Variants in ROCK1 observed in about 807,000 individuals in gnomAD.
The protein encoded by ROCK1 is rho-associated protein kinase 1.
In ROCK1, 36 loss-of-function variants were observed where a neutral mutation model predicts 196.8. The observed-to-expected ratio is 0.18, with a 90% CI of 0.14 to 0.24. The LOEUF (loss-of-function observed/expected upper bound fraction) is 0.24. ROCK1 is among the 10% of genes least tolerant of loss of function. ROCK1 has a pLI of 1.00. For missense variants in ROCK1, 920 were observed against 1,562.0 expected, an observed-to-expected ratio of 0.59 and a Z score of 6.93; for synonymous variants, 443 against 515.9, an observed-to-expected ratio of 0.86 and a Z score of 1.91.
At chr18:21,029,257 G>A (rs988638278) in intron 9 of ROCK1, among the ~76,000 whole-genome samples, 7 of 152,016 alleles carry the variant, frequency 4.6e-5, no homozygotes, top group South Asian at 2.1e-4. Flanking sequence ...AAAAGCATTC[G>A]GGACTACAGA....
intron 1 of ROCK1, among the ~76,000 whole-genome samples, chr18:21,081,782 A>G (rs2036484670): frequency 2.0e-5 from 3 of 152,220 alleles, no homozygotes; most frequent in Non-Finnish European, 2.9e-5. Context: ...TCCTAGAAGC[A>G]TACAATCTGC....
At chr18:21,066,331 G>T (rs1317575499) in intron 2 of ROCK1, among the ~76,000 whole-genome samples, 1 of 152,038 alleles carries the variant, frequency 6.6e-6, no homozygotes, top group Non-Finnish European at 1.5e-5. Flanking sequence ...TTTCATGGTA[G>T]CCACATACAT....
chr18:21,031,534 G>A (rs1456212311), intron 9 of ROCK1, among the ~76,000 whole-genome samples: 1 of 150,790 alleles, frequency 6.6e-6, no homozygotes, highest in Non-Finnish European at 1.5e-5. Flanking sequence ...GAACCCAGGA[G>A]GCGGAGCTTG....
intron 13 of ROCK1, among the ~76,000 whole-genome samples, chr18:21,013,823 G>A (rs750826346): frequency 9.9e-5 from 15 of 152,100 alleles, no homozygotes; most frequent in Non-Finnish European, 2.1e-4. Context: ...CAGCACTTTG[G>A]GAGGCCAAGG....
intron 2 of ROCK1, among the ~76,000 whole-genome samples, chr18:21,061,715 G>A (rs1286164170): frequency 6.6e-6 from 1 of 152,160 alleles, no homozygotes. Context: ...AGGTGGTGAG[G>A]GAAAAGAAGC....
Position 21,006,434 on chromosome 18 carries a change from TTGTC to T in ROCK1, c.1798_1801del (p.Asp600LysfsTer10). ...TATAGCTTGCAGCTGGTAATAATCT[TTGTC>T]TGTTTGTGACTTAGAATTCTCTAAA... On this transcript the variant is annotated frameshift_variant, in exon 16 of 33. Coordinates refer to ENST00000399799, the MANE Select transcript of ROCK1 (RefSeq NM_005406.3). LOFTEE classifies it high-confidence loss of function. 1 of 1,613,736 alleles carries T rather than the reference TTGTC, an allele frequency of 6.2e-7. No individual in the cohort carries two copies. Among genetic ancestry groups the T allele is most frequent in the Non-Finnish European group, 8.5e-7 (1 of 1,179,946 alleles).
intron 4 of ROCK1, among the ~76,000 whole-genome samples, chr18:21,045,899 G>GTTTCTTTTTTTTTTTTTTTTTTTTTTTTT (rs746861081): frequency 1.6e-5 from 1 of 62,470 alleles, no homozygotes; most frequent in African/African-American, 7.0e-5. Context: ...AGTTTCAGCT[G>GTTTCTTTTTTTTTTTTTTTTTTTTTTTTT]TTTTTTTTTT....
chr18:20,947,778 G>GT lies in ROCK1; in HGVS notation c.*3605dup, dbSNP rs2035143314. On this transcript the variant is annotated 3_prime_UTR_variant, in exon 33 of 33. Transcript: ENST00000399799. ...ATGTCTTACAATTTTCTTGGTGGAGGTCGTATACATCTTTCAGTAGATTGT... is the reference window on the plus strand; with the variant it reads ...ATGTCTTACAATTTTCTTGGTGGAGGTTCGTATACATCTTTCAGTAGATTGT... 1 of 152,036 alleles carries GT rather than the reference G, an allele frequency of 6.6e-6. No individual in the cohort carries two copies. The highest frequency in any genetic ancestry group is 6.6e-5 in the Admixed American group (1 of 15,260). 9.4% of individuals were successfully genotyped at this position (152,036 alleles called of 1,614,324 possible). A position where few individuals can be genotyped will look rare whatever the true frequency, so the allele number is the denominator to read the frequency against.
At chr18:21,013,769 TG>T (rs2035838761) in intron 13 of ROCK1, among the ~76,000 whole-genome samples, 1 of 152,022 alleles carries the variant, frequency 6.6e-6, no homozygotes. Flanking sequence ...CTGTTAAGAA[TG>T]GGGCTACAGT....
rs186277658 is a variant in ROCK1 at position 20,959,113 on chromosome 18, A to T, written c.3512+727T>A. On this transcript the variant is annotated intron_variant, in intron 29 of 32. Coordinates refer to ENST00000399799, the MANE Select transcript of ROCK1 (RefSeq NM_005406.3). ...TATATAATATATATATTATATATATATTATATAATATATATATTATATATA... is the reference window on the plus strand; with the variant it reads ...TATATAATATATATATTATATATATTTTATATAATATATATATTATATATA... Among the ~76,000 whole-genome samples, 162 of 48,582 alleles carry T rather than the reference A, an allele frequency of 3.3e-3. 1 individual carries two copies. Among genetic ancestry groups the T allele is most frequent in the East Asian group, 5.5e-3 (8 of 1,448 alleles). The allele number at this position is 48,582 out of a possible 152,430, so 31.9% of individuals were successfully genotyped here. A position where few individuals can be genotyped will look rare whatever the true frequency, so the allele number is the denominator to read the frequency against.
chr18:20,957,373 A>G (rs1366971703), intron 29 of ROCK1, among the ~76,000 whole-genome samples: 1 of 152,280 alleles, frequency 6.6e-6, no homozygotes, highest in Non-Finnish European at 1.5e-5. Flanking sequence ...GCTAGGCACA[A>G]AAGTGTACAT....
intron 2 of ROCK1, among the ~76,000 whole-genome samples, chr18:21,051,486 C>T (rs2036203782): frequency 6.6e-6 from 1 of 151,992 alleles, no homozygotes; most frequent in Admixed American, 6.6e-5. Flanking sequence ...ACAATATAAG[C>T]AGACAAGCAA....
intron 2 of ROCK1, among the ~76,000 whole-genome samples, chr18:21,052,109 G>T (rs907621686): frequency 1.3e-5 from 2 of 152,174 alleles, no homozygotes; most frequent in African/African-American, 4.8e-5. Flanking sequence ...TCTTGACAAA[G>T]ACCGCAGACA....
chr18:20,959,202 T>C (rs2035301428), intron 29 of ROCK1, among the ~76,000 whole-genome samples: 1 of 95,022 alleles, frequency 1.1e-5, no homozygotes, highest in Non-Finnish European at 1.9e-5. Flanking sequence ...ATATATATAA[T>C]ACATATAATA....
intron 2 of ROCK1, among the ~76,000 whole-genome samples, chr18:21,058,990 C>A (rs2036266837): frequency 6.6e-6 from 1 of 152,106 alleles, no homozygotes; most frequent in African/African-American, 2.4e-5. Flanking sequence ...TCCACCCACC[C>A]ACATACACAC....
chr18:20,954,528 A>G (rs1172138610), intron 31 of ROCK1, among the ~76,000 whole-genome samples: 1 of 152,228 alleles, frequency 6.6e-6, no homozygotes, highest in African/African-American at 2.4e-5. Flanking sequence ...GTGAGCTGAG[A>G]TCACGCCACT....
chr18:21,008,696 T>C (rs1359595688), intron 13 of ROCK1, among the ~76,000 whole-genome samples: 3 of 152,360 alleles, frequency 2.0e-5, no homozygotes, highest in South Asian at 4.1e-4. Context: ...ACAGTGTTTC[T>C]GGGCTTTCTC....
intron 9 of ROCK1, among the ~76,000 whole-genome samples, chr18:21,036,064 C>T (rs1308774835): frequency 6.6e-6 from 1 of 152,158 alleles, no homozygotes; most frequent in Admixed American, 6.5e-5. Context: ...TTATCTTATG[C>T]ATACTTTATC....
At chr18:21,009,449 A>G (rs1167418760) in intron 13 of ROCK1, among the ~76,000 whole-genome samples, 1 of 151,900 alleles carries the variant, frequency 6.6e-6, no homozygotes, top group Admixed American at 6.6e-5. Flanking sequence ...TCAACCATTC[A>G]CCTACTGTAG....
Sources: allele counts gnomAD v4.1 joint callset (sites outside exome capture counted in the v4.1 genomes callset), GRCh38; gene constraint gnomAD v4.1.1; transcripts MANE v1.5; gene names NCBI Gene and HGNC (gene_info 2026-07-23, HGNC 2026-07-21).